The following SRGAP1 variants were observed in gnomAD, a reference collection of about 807,000 sequenced individuals.
SRGAP1 encodes SLIT-ROBO Rho GTPase activating protein 1.
A neutral mutation model predicts 121.9 loss-of-function variants in SRGAP1; 43 were observed. That is an observed-to-expected ratio of 0.35 (90% CI 0.28 to 0.46). SRGAP1 has a LOEUF of 0.46. Among genes scored for constraint, SRGAP1 ranks in the 20% least tolerant of loss-of-function variants. The pLI is 1.00. For missense variants in SRGAP1, 1,102 were observed against 1,350.9 expected (o/e 0.82, Z 2.89); for synonymous variants, 447 against 485.4 (o/e 0.92, Z 1.04).
chr12:63,887,433 A>T (rs1900425718), intron 1 of SRGAP1: 2 of 152,186 alleles, frequency 1.3e-5, no homozygotes, highest in Admixed American at 6.6e-5. Context: ...CCCCATTTGG[A>T]TCCACTGGAA....
Position 64,148,804 on chromosome 12 carries a change from A to G in SRGAP1, c.*6132A>G, listed in dbSNP as rs1187037661. ...TGTAACAGTTCTCACGAGCTGACAC[A>G]CTGATGTATCCACCACCCAGTTTAA... On this transcript the variant is annotated 3_prime_UTR_variant, in exon 22 of 22. Coordinates refer to ENST00000355086, the MANE Select transcript of SRGAP1 (RefSeq NM_020762.4). The G allele has an allele frequency of 6.6e-6, 1 of 152,254 alleles. No individual in the cohort carries two copies. The highest frequency in any genetic ancestry group is 1.5e-5 in the Non-Finnish European group (1 of 68,040). The allele number at this position is 152,254 out of a possible 1,614,324, so 9.4% of individuals were successfully genotyped here.
intron 1 of SRGAP1, among the ~76,000 whole-genome samples, chr12:63,858,508 C>T (rs970529719): frequency 6.6e-6 from 1 of 151,598 alleles, no homozygotes; most frequent in Non-Finnish European, 1.5e-5. Context: ...AGCCTCACAG[C>T]GTGAGTGAGG....
intron 8 of SRGAP1, among the ~76,000 whole-genome samples, chr12:64,065,532 C>T (rs1441391817): frequency 2.0e-5 from 3 of 152,084 alleles, no homozygotes; most frequent in African/African-American, 7.2e-5. Flanking sequence ...CAAAAATATA[C>T]AATCTTTTGT....
intron 12 of SRGAP1, chr12:64,092,044 G>A: frequency 1.2e-6 from 1 of 815,718 alleles, no homozygotes; most frequent in Non-Finnish European, 1.9e-6. Context: ...GTTTGCATTT[G>A]GAAATCAGAC....
At chr12:64,131,293 C>T (rs1436497481) in intron 21 of SRGAP1, among the ~76,000 whole-genome samples, 1 of 152,204 alleles carries the variant, frequency 6.6e-6, no homozygotes, top group Non-Finnish European at 1.5e-5. Context: ...CATACCTCTT[C>T]CACAAATTTG....
Position 63,990,053 on chromosome 12 carries a change from C to A in SRGAP1, c.407C>A (p.Ser136Tyr), listed in dbSNP as rs1195236544. The change falls in exon 3 of 22, where the codon TCT becomes TAT. Residue 136 changes from serine to tyrosine, a missense_variant. Physicochemically the swap from Ser to Tyr is moderately radical, Grantham distance 144. Transcript: ENST00000355086. ...IMRFMQISEDSTRMFKKSKEI... is the reference protein window; with the variant it reads ...IMRFMQISEDYTRMFKKSKEI... ...CGGTTCATGCAGATAAGTGAGGATT[C>A]TACCAGGATGTTTAAAAAGGTACAC... is the stretch of plus-strand genomic sequence containing the variant. The A allele has an allele frequency of 1.2e-6, 2 of 1,608,126 alleles. No individual in the cohort carries two copies. The highest frequency in any genetic ancestry group is 1.1e-5 in the South Asian group (1 of 89,554).
chr12:64,102,099 C>T (rs990837822), intron 15 of SRGAP1, among the ~76,000 whole-genome samples: 1 of 152,218 alleles, frequency 6.6e-6, no homozygotes, highest in Non-Finnish European at 1.5e-5. Context: ...AACATAACCA[C>T]AATACCATTA....
chr12:63,855,481 T>TG (rs1565922059), intron 1 of SRGAP1, among the ~76,000 whole-genome samples: 1 of 110,616 alleles, frequency 9.0e-6, no homozygotes, highest in African/African-American at 3.7e-5. Flanking sequence ...GTGTTTTTTT[T>TG]TTTTTTTTTT....
intron 6 of SRGAP1, among the ~76,000 whole-genome samples, chr12:64,048,700 T>A (rs2035181059): frequency 6.6e-6 from 1 of 152,202 alleles, no homozygotes; most frequent in Non-Finnish European, 1.5e-5. Flanking sequence ...CCATTTTAAC[T>A]GGGGTGAGAT....
chr12:64,150,553 T>C lies in SRGAP1; in HGVS notation c.*7881T>C, dbSNP rs963597060. 2.6e-5 allele frequency: 4 copies of C among 152,070 alleles called. No individual in the cohort carries two copies. Among genetic ancestry groups the C allele is most frequent in the African/African-American group, 7.2e-5 (3 of 41,388 alleles). 9.4% of individuals were successfully genotyped at this position (152,070 alleles called of 1,614,324 possible). On this transcript the variant is annotated 3_prime_UTR_variant, in exon 22 of 22. Transcript: ENST00000355086. The stretch of plus-strand genomic sequence containing the variant: ...CAATAAGCCAGGAGAGAAGGAAACA[T>C]CTTCAGTGGTCCAGTGGCACATTCA...
intron 4 of SRGAP1, among the ~76,000 whole-genome samples, chr12:64,026,226 C>G (rs936759688): frequency 6.6e-6 from 1 of 152,064 alleles, no homozygotes; most frequent in Admixed American, 6.6e-5. Flanking sequence ...AGTGTTTTGT[C>G]CAAATTACTA....
At chr12:64,098,044 A>G (rs530857906) in intron 15 of SRGAP1, among the ~76,000 whole-genome samples, 73 of 152,286 alleles carry the variant, frequency 4.8e-4, no homozygotes, top group Non-Finnish European at 9.0e-4. Flanking sequence ...CTAAAAATAC[A>G]GTGTCCCTTT....
intron 1 of SRGAP1, chr12:63,983,421 A>G (rs899718802): frequency 6.6e-6 from 1 of 152,118 alleles, no homozygotes; most frequent in African/African-American, 2.4e-5. Context: ...AATGTAACCC[A>G]CATATTTATT....
In SRGAP1 at chr12:64,126,096, G is replaced by A. The variant is rs2036682989; in HGVS notation, c.2344G>A (p.Glu782Lys). The A allele has an allele frequency of 6.2e-7, 1 of 1,614,064 alleles. No individual in the cohort carries two copies. Among genetic ancestry groups the A allele is most frequent in the Non-Finnish European group, 8.5e-7 (1 of 1,180,022 alleles). The change falls in exon 19 of 22, where the codon GAA (glutamate) becomes AAA (lysine). Residue 782 changes from glutamate to lysine, a missense_variant. Around this residue, in one of 3 missense-constraint regions of SRGAP1, gnomAD observed 40 missense variants for 78.4 expected, o/e 0.51. Coordinates refer to ENST00000355086, the MANE Select transcript of SRGAP1 (RefSeq NM_020762.4). ...TCACCGTGCATCTGAGGACTGGTGG[G>A]AAGGCAGGCACAACGGGATTGACGG... ...LYHRASEDWWEGRHNGIDGLV... is the reference protein window; with the variant it reads ...LYHRASEDWWKGRHNGIDGLV...
At chr12:63,878,698 T>C (rs1900101745) in intron 1 of SRGAP1, 1 of 152,220 alleles carries the variant, frequency 6.6e-6, no homozygotes, top group Non-Finnish European at 1.5e-5. Context: ...TTATTCATAA[T>C]TGAGTAGATT....
At chr12:63,852,017 C>T (rs1427668109) in intron 1 of SRGAP1, among the ~76,000 whole-genome samples, 2 of 152,180 alleles carry the variant, frequency 1.3e-5, no homozygotes, top group East Asian at 1.9e-4. Flanking sequence ...GACAGGGTCT[C>T]GCTCTGTTGC....
chr12:63,991,255 G>A (rs2033550003), intron 3 of SRGAP1, among the ~76,000 whole-genome samples: 1 of 152,270 alleles, frequency 6.6e-6, no homozygotes, highest in African/African-American at 2.4e-5. Context: ...TCAGAAAGTA[G>A]CGGGGAGAAA....
At chr12:64,043,612 A>AG (rs774682707) in intron 6 of SRGAP1, 37 bp downstream of exon 6, 5 of 1,510,974 alleles carry the variant, frequency 3.3e-6, no homozygotes, top group Non-Finnish European at 3.6e-6. Flanking sequence ...CCATATTAAA[A>AG]TGAAATTAAC....
chr12:63,997,243 G>A (rs898439470), intron 3 of SRGAP1, among the ~76,000 whole-genome samples: 32 of 152,094 alleles, frequency 2.1e-4, no homozygotes, highest in African/African-American at 7.5e-4. Context: ...TGGGACCACC[G>A]TCATTGAGTA....
Sources: allele counts gnomAD v4.1 joint callset (sites outside exome capture counted in the v4.1 genomes callset), GRCh38; gene constraint gnomAD v4.1.1; regional missense constraint gnomAD v4.1.1; transcripts MANE v1.5; gene names NCBI Gene and HGNC (gene_info 2026-07-23, HGNC 2026-07-21).